Variants in RERE observed in about 807,000 individuals in gnomAD.
The protein encoded by RERE is arginine-glutamic acid dipeptide repeats protein.
In RERE, 40 loss-of-function variants were observed where a neutral mutation model predicts 146.1. The observed-to-expected ratio is 0.27, with a 90% CI of 0.21 to 0.36. The LOEUF (loss-of-function observed/expected upper bound fraction) is 0.36, where lower values mean the gene tolerates loss of function less well. Ranked by LOEUF, RERE falls within the 10% of genes least tolerant of loss-of-function variation. RERE has a pLI of 1.00. For missense variants in RERE, 1,933 were observed against 2,138.7 expected, an observed-to-expected ratio of 0.90 and a Z score of 1.90; for synonymous variants, 1,003 against 866.0, an observed-to-expected ratio of 1.16 and a Z score of -2.78.
chr1:8,733,023 G>A (rs898331714), intron 1 of RERE, among the ~76,000 whole-genome samples: 7 of 151,704 alleles, frequency 4.6e-5, no homozygotes, highest in Non-Finnish European at 8.8e-5. Context: ...GGGTTTCACC[G>A]TGTTAGCCAG....
chr1:8,406,547 A>C (rs936833788), intron 12 of RERE, among the ~76,000 whole-genome samples: 18 of 152,196 alleles, frequency 1.2e-4, no homozygotes, highest in African/African-American at 3.9e-4. Context: ...AGATGTTAAT[A>C]TTTGGAGAAT....
intron 1 of RERE, among the ~76,000 whole-genome samples, chr1:8,709,953 T>G (rs1022291693): frequency 6.6e-6 from 1 of 152,134 alleles, no homozygotes; most frequent in African/African-American, 2.4e-5. Context: ...GTTGGTTTGG[T>G]TTTGGATTAG....
chr1:8,666,538 CT>C (rs1171109516), intron 1 of RERE, among the ~76,000 whole-genome samples: 1 of 152,222 alleles, frequency 6.6e-6, no homozygotes, highest in Admixed American at 6.5e-5. Flanking sequence ...TTCCTGTTGC[CT>C]TTCATATCAA....
chr1:8,501,398 C>T (rs1214383397), intron 8 of RERE, among the ~76,000 whole-genome samples: 1 of 76,084 alleles, frequency 1.3e-5, no homozygotes, highest in Non-Finnish European at 2.5e-5. Flanking sequence ...CAGCCCCCCG[C>T]CCGGCCAGCC....
intron 1 of RERE, among the ~76,000 whole-genome samples, chr1:8,669,430 A>G (rs534010370): frequency 1.1e-4 from 17 of 152,284 alleles, no homozygotes; most frequent in Middle Eastern, 3.4e-3. Flanking sequence ...AAATTATATG[A>G]CATGTGAATT....
chr1:8,708,944 ACT>A lies in RERE; in HGVS notation c.-144-52505_-144-52504del, dbSNP rs1358158755. On this transcript the variant is annotated intron_variant, in intron 1 of 22. Transcript: ENST00000400908. ...TTTTTTTTTTTTGAGACAGAGTCTC[ACT>A]CTGTCGCCCAGGTTGGAGTGCAGTG... Among the ~76,000 whole-genome samples, 5 of 112,012 alleles carry A rather than the reference ACT, an allele frequency of 4.5e-5. No homozygotes were observed. In the Admixed American group the frequency reaches 5.2e-4, roughly 12 times the overall value. The allele number at this position is 112,012 out of a possible 152,430, so 73.5% of individuals were successfully genotyped here.
At chr1:8,548,518 G>GA (rs553943103) in intron 6 of RERE, among the ~76,000 whole-genome samples, 124 of 152,228 alleles carry the variant, frequency 8.1e-4, no homozygotes, top group African/African-American at 2.8e-3. Flanking sequence ...CTATAAGACC[G>GA]AAAACAAAAA....
At chr1:8,603,483 C>T (rs1377379748) in intron 4 of RERE, among the ~76,000 whole-genome samples, 4 of 152,142 alleles carry the variant, frequency 2.6e-5, no homozygotes, top group Non-Finnish European at 2.9e-5. Flanking sequence ...ACATCACAAG[C>T]GGCTACTTAT....
At chr1:8,789,301 A>AAAAATAT in intron 1 of RERE, among the ~76,000 whole-genome samples, 10 of 24,810 alleles carry the variant, frequency 4.0e-4, no homozygotes, top group African/African-American at 2.3e-3. Flanking sequence ...AAAAAAAAAA[A>AAAAATAT]ATATATATAT....
intron 10 of RERE, among the ~76,000 whole-genome samples, chr1:8,466,302 T>C (rs1288983086): frequency 1.3e-5 from 2 of 152,154 alleles, no homozygotes; most frequent in Non-Finnish European, 2.9e-5. Context: ...AGCAAACATT[T>C]AGGGAATGTT....
chr1:8,470,610 T>A (rs1185717515), intron 10 of RERE, among the ~76,000 whole-genome samples: 2 of 151,952 alleles, frequency 1.3e-5, no homozygotes, highest in Non-Finnish European at 2.9e-5. Flanking sequence ...ATCATCAGTG[T>A]TTCACAGGGG....
At chr1:8,542,421 A>G (rs573844406) in intron 6 of RERE, among the ~76,000 whole-genome samples, 1 of 152,308 alleles carries the variant, frequency 6.6e-6, no homozygotes, top group East Asian at 1.9e-4. Flanking sequence ...AGTGTTAGGA[A>G]GAGAAGCTGG....
At chr1:8,794,601 G>C (rs996411715) in intron 1 of RERE, among the ~76,000 whole-genome samples, 4 of 151,482 alleles carry the variant, frequency 2.6e-5, no homozygotes, top group Non-Finnish European at 5.9e-5. Context: ...TTTGTTAAAA[G>C]AGAAGAAAAA....
intron 12 of RERE, among the ~76,000 whole-genome samples, chr1:8,398,424 G>GCCT (rs1553161501): frequency 6.6e-6 from 1 of 152,164 alleles, no homozygotes; most frequent in Non-Finnish European, 1.5e-5. Context: ...ATCACTCAAG[G>GCCT]CCTAGTTCAA....
chr1:8,402,066 A>G (rs1462281970), intron 12 of RERE, among the ~76,000 whole-genome samples: 1 of 152,074 alleles, frequency 6.6e-6, no homozygotes, highest in Non-Finnish European at 1.5e-5. Flanking sequence ...ACGAGGTTTC[A>G]CCATGTTGGC....
intron 1 of RERE, among the ~76,000 whole-genome samples, chr1:8,712,234 G>A (rs916143638): frequency 2.6e-5 from 4 of 152,262 alleles, no homozygotes; most frequent in Non-Finnish European, 5.9e-5. Context: ...GATTAGAAGT[G>A]AGTGAGACTG....
intron 12 of RERE, among the ~76,000 whole-genome samples, chr1:8,400,248 G>A (rs1643204900): frequency 6.6e-6 from 1 of 151,558 alleles, no homozygotes; most frequent in African/African-American, 2.4e-5. Context: ...GTGTGTGTGT[G>A]TGTGTGTACA....
chr1:8,721,279 C>G (rs188782406), intron 1 of RERE, among the ~76,000 whole-genome samples: 1 of 152,032 alleles, frequency 6.6e-6, no homozygotes, highest in African/African-American at 2.4e-5. Context: ...AGAGTTGAAC[C>G]GAAAGAGTTT....
chr1:8,807,706 C>A (rs896694853), intron 1 of RERE, among the ~76,000 whole-genome samples: 12 of 152,106 alleles, frequency 7.9e-5, no homozygotes, highest in African/African-American at 2.9e-4. Context: ...AAAAAAAAGT[C>A]ACATACATGT....
Sources: allele counts gnomAD v4.1 joint callset (sites outside exome capture counted in the v4.1 genomes callset), GRCh38; gene constraint gnomAD v4.1.1; transcripts MANE v1.5; gene names NCBI Gene and HGNC (gene_info 2026-07-23, HGNC 2026-07-21).